Variants in ZRANB3 observed in about 807,000 individuals in gnomAD.
ZRANB3 encodes zinc finger RANBP2-type containing 3, also known as DNA annealing helicase and endonuclease ZRANB3.
A neutral mutation model predicts 133.8 loss-of-function variants in ZRANB3; 125 were observed. The observed-to-expected ratio is 0.93, with a 90% confidence interval of 0.81 to 1.08. The LOEUF is 1.08. Among genes scored for constraint, ZRANB3 ranks in the 50% least tolerant of loss-of-function variants. The pLI, the probability that ZRANB3 is intolerant of heterozygous loss-of-function variation, is 0.00. For synonymous variants in ZRANB3, 387 were observed against 432.7 expected (o/e 0.89, Z 1.31); for missense variants, 1,229 against 1,275.5 (o/e 0.96, Z 0.56).
intron 12 of ZRANB3, among the ~76,000 whole-genome samples, chr2:135,231,371 C>A (rs1695004975): frequency 6.6e-6 from 1 of 152,100 alleles, no homozygotes; most frequent in Non-Finnish European, 1.5e-5. Context: ...TATTTCAGGT[C>A]AATCAAGGAC....
chr2:135,402,624 TCA>T (rs1406491883), intron 2 of ZRANB3, among the ~76,000 whole-genome samples: 4 of 151,734 alleles, frequency 2.6e-5, no homozygotes, highest in African/African-American at 9.7e-5. Context: ...TTCGCTCTTG[TCA>T]CCCAGGCTGG....
At chr2:135,232,612 C>T (rs1288058248) in intron 12 of ZRANB3, among the ~76,000 whole-genome samples, 1 of 152,214 alleles carries the variant, frequency 6.6e-6, no homozygotes, top group Non-Finnish European at 1.5e-5. Flanking sequence ...GAGGAATGAT[C>T]AGGCAGCAAC....
intron 3 of ZRANB3, among the ~76,000 whole-genome samples, chr2:135,368,950 C>T (rs1686054543): frequency 6.6e-6 from 1 of 151,778 alleles, no homozygotes; most frequent in South Asian, 2.1e-4. Flanking sequence ...AGCCTCAATA[C>T]CAACATTAAC....
At chr2:135,247,584 G>A (rs1311992452) in intron 12 of ZRANB3, among the ~76,000 whole-genome samples, 1 of 152,050 alleles carries the variant, frequency 6.6e-6, no homozygotes, top group Non-Finnish European at 1.5e-5. Context: ...TCTTAGCCAG[G>A]TGCAGTGTCG....
intron 2 of ZRANB3, among the ~76,000 whole-genome samples, chr2:135,500,756 TA>T (rs760594100): frequency 0.081 from 5,935 of 73,654 alleles, 144 homozygotes; most frequent in Middle Eastern, 0.23. Context: ...TACATATCAG[TA>T]AAAAAAAAAA....
At chr2:135,481,533 A>G (rs1279010831) in intron 2 of ZRANB3, among the ~76,000 whole-genome samples, 1 of 152,138 alleles carries the variant, frequency 6.6e-6, no homozygotes, top group African/African-American at 2.4e-5. Flanking sequence ...TCACATGAGT[A>G]AGTTGCGAAA....
At chr2:135,504,693 C>T (rs1375104720) in intron 1 of ZRANB3, among the ~76,000 whole-genome samples, 197 bp from the exon 2 acceptor site, 1 of 152,110 alleles carries the variant, frequency 6.6e-6, no homozygotes, top group East Asian at 1.9e-4. Context: ...TTACTTAATG[C>T]ACTCTCTAGG....
At chr2:135,231,420 G>T (rs554020634) in intron 12 of ZRANB3, among the ~76,000 whole-genome samples, 2 of 152,238 alleles carry the variant, frequency 1.3e-5, no homozygotes, top group South Asian at 4.1e-4. Flanking sequence ...TAAACACAAT[G>T]CTCACACATA....
At chr2:135,217,268 C>A (rs1485874245) in intron 17 of ZRANB3, among the ~76,000 whole-genome samples, 197 bp downstream of exon 17, 1 of 152,146 alleles carries the variant, frequency 6.6e-6, no homozygotes, top group East Asian at 1.9e-4. Flanking sequence ...ACAACCTGAT[C>A]TCTTTTAGCA....
chr2:135,411,398 C>T lies in ZRANB3; in HGVS notation c.162-20578G>A, dbSNP rs1254877765. On this transcript the variant is annotated intron_variant, in intron 2 of 20. Coordinates refer to ENST00000264159, the MANE Select transcript of ZRANB3 (RefSeq NM_032143.4). The stretch of plus-strand genomic sequence containing the variant: ...CTAAAAATAGAATTACCACTCAAAT[C>T]AGAAACCCTACTACTGGGTATTTAT... Among the ~76,000 whole-genome samples the T allele has an allele frequency of 2.6e-5, 4 of 152,222 alleles. No homozygotes were observed. In the East Asian group the frequency reaches 7.7e-4, roughly 29 times the overall value.
intron 12 of ZRANB3, among the ~76,000 whole-genome samples, chr2:135,242,765 T>C (rs1454765819): frequency 1.3e-5 from 2 of 152,144 alleles, no homozygotes; most frequent in Non-Finnish European, 2.9e-5. Flanking sequence ...TCTGGGTAAT[T>C]TCTTCATTAT....
chr2:135,452,078 T>TA (rs994591022), intron 2 of ZRANB3, among the ~76,000 whole-genome samples: 1 of 151,916 alleles, frequency 6.6e-6, no homozygotes, highest in Non-Finnish European at 1.5e-5. Context: ...TGGGAAGAAA[T>TA]AGAGTTTTAA....
intron 13 of ZRANB3, among the ~76,000 whole-genome samples, chr2:135,228,890 G>C (rs1001004589): frequency 2.6e-5 from 4 of 151,922 alleles, no homozygotes; most frequent in African/African-American, 7.2e-5. Context: ...TAAGTTGCTT[G>C]ACAGATTCCT....
At chr2:135,343,437 C>G (rs1271158642) in intron 6 of ZRANB3, among the ~76,000 whole-genome samples, 1 of 149,502 alleles carries the variant, frequency 6.7e-6, no homozygotes, top group Non-Finnish European at 1.5e-5. Flanking sequence ...CATTTGTAGT[C>G]TCGTTTTCAT....
chr2:135,200,829 C>A (rs1017669199), intron 20 of ZRANB3, among the ~76,000 whole-genome samples: 2 of 147,292 alleles, frequency 1.4e-5, no homozygotes, highest in Admixed American at 1.4e-4. Context: ...GATCTCGGCT[C>A]ACTGCAACCT....
intron 17 of ZRANB3, among the ~76,000 whole-genome samples, chr2:135,211,651 G>C (rs1344851304): frequency 6.6e-6 from 1 of 151,962 alleles, no homozygotes; most frequent in Non-Finnish European, 1.5e-5. Context: ...TCTTCACCTT[G>C]CTCTTTTTAC....
chr2:135,437,118 C>T (rs1454895833), intron 2 of ZRANB3, among the ~76,000 whole-genome samples: 2 of 152,164 alleles, frequency 1.3e-5, no homozygotes, highest in African/African-American at 4.8e-5. Context: ...CGCCACCATG[C>T]CCAGCTAATT....
At chr2:135,361,053 T>A (rs1050002950) in intron 3 of ZRANB3, among the ~76,000 whole-genome samples, 2 of 152,196 alleles carry the variant, frequency 1.3e-5, no homozygotes, top group Non-Finnish European at 2.9e-5. Context: ...GTGCTGAGAT[T>A]ACAGGCGTGA....
In ZRANB3 at chr2:135,487,489, T is replaced by C. The variant is rs535459625; in HGVS notation, c.161+16840A>G. On this transcript the variant is annotated intron_variant, in intron 2 of 20. Transcript: ENST00000264159. Reference sequence around the variant, plus strand: ...AGTTTTAGATGGTATTTTCATCCAATAGAAGCCTGTTTCATCTACATTCAA... The same window carrying C: ...AGTTTTAGATGGTATTTTCATCCAACAGAAGCCTGTTTCATCTACATTCAA... 6.6e-5 allele frequency among the ~76,000 whole-genome samples: 10 copies of C among 152,354 alleles called. 1 individual carries two copies. Among genetic ancestry groups the C allele is most frequent in the African/African-American group, 1.9e-4 (8 of 41,576 alleles).
Sources: gnomAD v4.1 joint callset for allele counts (sites outside exome capture counted in the v4.1 genomes callset) on GRCh38, gnomAD v4.1.1 for gene constraint, MANE v1.5 for transcripts, NCBI Gene and HGNC (gene_info 2026-07-23, HGNC 2026-07-21) for gene names.